Variants in NUP210L observed in about 807,000 individuals in gnomAD.
NUP210L encodes the protein nuclear pore membrane glycoprotein 210-like.
Under a neutral mutation model 208.5 loss-of-function variants are expected in NUP210L, and 74 were observed. The observed-to-expected ratio is 0.35, with a 90% CI of 0.29 to 0.43. The LOEUF (loss-of-function observed/expected upper bound fraction) is 0.43, where lower values mean the gene tolerates loss of function less well. NUP210L is among the 20% of genes least tolerant of loss of function. The probability of loss-of-function intolerance (pLI) is 1.00; values close to 1 mark genes in which losing one functional copy is unlikely to be tolerated. For synonymous variants in NUP210L, 780 were observed against 816.9 expected, an observed-to-expected ratio of 0.95 and a Z score of 0.77; for missense variants, 1,843 against 2,289.4, an observed-to-expected ratio of 0.81 and a Z score of 3.98.
chr1:154,115,697 T>C (rs1657284819), intron 12 of NUP210L, among the ~76,000 whole-genome samples: 1 of 152,192 alleles, frequency 6.6e-6, no homozygotes, highest in Non-Finnish European at 1.5e-5. Context: ...TAGTTATACT[T>C]TAAATACTTT....
chr1:154,103,919 C>T (rs1656613466), intron 13 of NUP210L, 93 bp downstream of exon 13: 3 of 990,572 alleles, frequency 3.0e-6, no homozygotes, highest in African/African-American at 3.3e-5. Context: ...TGATTGCTTC[C>T]TTAAAGACAA....
chr1:154,099,392 C>T (rs972788750), intron 14 of NUP210L, among the ~76,000 whole-genome samples: 2 of 152,164 alleles, frequency 1.3e-5, no homozygotes, highest in African/African-American at 4.8e-5. Context: ...ACGGAGTGTG[C>T]AGCCCCAGCT....
intron 16 of NUP210L, among the ~76,000 whole-genome samples, chr1:154,074,637 C>T (rs1167338663): frequency 1.3e-5 from 2 of 151,902 alleles, no homozygotes; most frequent in African/African-American, 2.4e-5. Flanking sequence ...TACAGGCACC[C>T]GCCACTACGC....
intron 16 of NUP210L, among the ~76,000 whole-genome samples, chr1:154,077,360 TG>T (rs1242709261): frequency 2.6e-5 from 4 of 151,476 alleles, no homozygotes; most frequent in Admixed American, 2.6e-4. Context: ...AGCGATACTC[TG>T]TCTCAAAAAA....
chr1:154,096,862 C>T (rs529441284), intron 14 of NUP210L, among the ~76,000 whole-genome samples: 1 of 152,250 alleles, frequency 6.6e-6, no homozygotes, highest in East Asian at 1.9e-4. Context: ...AGGCGGATCC[C>T]TTGAGCCCAG....
chr1:154,147,902 G>A (rs1246975354), intron 2 of NUP210L, among the ~76,000 whole-genome samples: 7 of 145,628 alleles, frequency 4.8e-5, no homozygotes, highest in African/African-American at 1.3e-4. Context: ...TAATCCACCC[G>A]CCTCGGCCTC....
intron 14 of NUP210L, among the ~76,000 whole-genome samples, chr1:154,098,810 C>G (rs1656309452): frequency 6.6e-6 from 1 of 152,168 alleles, no homozygotes. Context: ...GGTAGGGCCT[C>G]ACCAGATACT....
chr1:154,052,768 G>T (rs1653588937), intron 25 of NUP210L, among the ~76,000 whole-genome samples: 1 of 152,206 alleles, frequency 6.6e-6, no homozygotes, highest in Admixed American at 6.5e-5. Context: ...CAGAAATAAT[G>T]AATGTACTTG....
intron 16 of NUP210L, among the ~76,000 whole-genome samples, chr1:154,084,412 G>A (rs569128054): frequency 9.9e-5 from 15 of 151,308 alleles, no homozygotes; most frequent in East Asian, 5.8e-4. Context: ...GGGTTTCACC[G>A]TGTTGGCCAG....
rs763134823 is a variant in NUP210L at position 154,154,919 on chromosome 1, T to C, written c.126A>G (p.Pro42=). 2.5e-5 allele frequency: 40 copies of C among 1,614,092 alleles called. No homozygotes were observed. In the Admixed American group the frequency reaches 6.3e-4, roughly 26 times the overall value. Residue 42 remains proline (P), a synonymous_variant, in exon 1 of 40, where the codon CCA becomes CCG. Transcript: ENST00000368559. ...CTCGGCCGAAGGGTAGCAACACCTG[T>C]GGCACGTTAAGTTTGTTGGCCAGGG...
At chr1:154,000,077 C>T (rs1035358635) in intron 37 of NUP210L, among the ~76,000 whole-genome samples, 8 of 152,054 alleles carry the variant, frequency 5.3e-5, no homozygotes, top group Non-Finnish European at 2.9e-5. Flanking sequence ...GGGATCTGCC[C>T]ACCTCGGCCT....
At chr1:154,000,371 C>T (rs774343972) in intron 37 of NUP210L, among the ~76,000 whole-genome samples, 2 of 152,170 alleles carry the variant, frequency 1.3e-5, no homozygotes, top group African/African-American at 2.4e-5. Flanking sequence ...GAACCCTCTA[C>T]GTACTATGTT....
Position 153,992,995 on chromosome 1 carries a change from G to T in NUP210L, c.5566+20C>A. On this transcript the variant is annotated intron_variant, in intron 39 of 39. Coordinates refer to ENST00000368559, the Ensembl canonical transcript of NUP210L. The stretch of plus-strand genomic sequence containing the variant: ...GTGTGTATCTGAGCTTTTCAAAGAT[G>T]AGGACAGAGGCTTTTTTACCTGGCT... 6.2e-7 allele frequency: 1 copy of T among 1,611,232 alleles called. No individual in the cohort carries two copies. The highest frequency in any genetic ancestry group is 8.5e-7 in the Non-Finnish European group (1 of 1,178,496).
chr1:154,064,789 C>T (rs893547440), intron 17 of NUP210L, among the ~76,000 whole-genome samples: 1 of 152,050 alleles, frequency 6.6e-6, no homozygotes, highest in Non-Finnish European at 1.5e-5. Flanking sequence ...AAAATTGAGT[C>T]AGGCACTGGG....
intron 16 of NUP210L, among the ~76,000 whole-genome samples, chr1:154,080,860 G>C (rs1655281922): frequency 6.6e-6 from 1 of 151,578 alleles, no homozygotes; most frequent in African/African-American, 2.4e-5. Context: ...TGGATTCCCA[G>C]CTACTCAGGA....
chr1:154,034,516 A>G (rs1652424803), intron 27 of NUP210L, among the ~76,000 whole-genome samples: 1 of 151,908 alleles, frequency 6.6e-6, no homozygotes, highest in African/African-American at 2.4e-5. Flanking sequence ...TTTCGTAGAG[A>G]TGGGGTTTCT....
exon 31 of NUP210L, chr1:154,023,273 C>T (rs375798103): frequency 1.2e-6 from 2 of 1,610,910 alleles, no homozygotes; most frequent in African/African-American, 1.3e-5. Flanking sequence ...TGGCTGCTCA[C>T]TCGCAGGTAT....
At chr1:154,091,839 A>G (rs1655935125) in intron 15 of NUP210L, among the ~76,000 whole-genome samples, 1 of 151,468 alleles carries the variant, frequency 6.6e-6, no homozygotes, top group African/African-American at 2.4e-5. Flanking sequence ...ATATAATCTT[A>G]TATGTACATA....
chr1:154,008,778 C>G (rs1479551936), intron 35 of NUP210L, among the ~76,000 whole-genome samples: 2 of 152,160 alleles, frequency 1.3e-5, no homozygotes, highest in African/African-American at 4.8e-5. Context: ...CACATCTTCT[C>G]CTGCTGTCAG....
Sources: gnomAD v4.1 joint callset for allele counts (sites outside exome capture counted in the v4.1 genomes callset) on GRCh38, gnomAD v4.1.1 for gene constraint, MANE v1.5 for transcripts, NCBI Gene and HGNC (gene_info 2026-07-23, HGNC 2026-07-21) for gene names.